Variants in MBD5 observed in about 807,000 individuals in gnomAD.
The protein encoded by MBD5 is methyl-CpG-binding domain protein 5.
In MBD5, 13 loss-of-function variants were observed where a neutral mutation model predicts 117.3. The observed-to-expected ratio is 0.11, with a 90% CI of 0.07 to 0.18. The LOEUF is 0.18. Ranked by LOEUF, MBD5 falls within the 10% of genes least tolerant of loss-of-function variation. The probability of loss-of-function intolerance (pLI) is 1.00; values close to 1 mark genes in which losing one functional copy is unlikely to be tolerated. For missense variants in MBD5, 1,879 were observed against 2,093.8 expected (o/e 0.90, Z 2.00); for synonymous variants, 727 against 766.4 (o/e 0.95, Z 0.85).
At chr2:148,389,518 A>G (rs1043460842) in intron 4 of MBD5, among the ~76,000 whole-genome samples, 1 of 151,722 alleles carries the variant, frequency 6.6e-6, no homozygotes, top group Non-Finnish European at 1.5e-5. Context: ...ATCATTTTCT[A>G]TAGGAATTGA....
chr2:148,105,383 T>A (rs186556962), intron 1 of MBD5, among the ~76,000 whole-genome samples: 1 of 152,198 alleles, frequency 6.6e-6, no homozygotes, highest in Admixed American at 6.5e-5. Flanking sequence ...CACACTGGGC[T>A]AATTTTTATA....
chr2:148,180,898 T>C (rs961406022), intron 2 of MBD5, among the ~76,000 whole-genome samples: 1 of 152,186 alleles, frequency 6.6e-6, no homozygotes, highest in African/African-American at 2.4e-5. Context: ...TATTGTACTG[T>C]TCTATTTTGT....
chr2:148,508,080 A>G (rs1464721931), intron 12 of MBD5, among the ~76,000 whole-genome samples: 2 of 152,202 alleles, frequency 1.3e-5, no homozygotes, highest in Admixed American at 1.3e-4. Context: ...TGGCAATGAT[A>G]ATACTGTCAG....
At chr2:148,183,988 T>C (rs1698590965) in intron 2 of MBD5, among the ~76,000 whole-genome samples, 1 of 151,902 alleles carries the variant, frequency 6.6e-6, no homozygotes, top group South Asian at 2.1e-4. Context: ...TTTGGCCTGT[T>C]CAACTCCATC....
In MBD5 at chr2:148,411,315, C is replaced by T. The variant is rs565669088; in HGVS notation, c.-556-46888C>T. ...TAATTCTGCAATGGGCATATGCGTC[C>T]GTGTGTCTTTATGATAGAATGATTT... On this transcript the variant is annotated intron_variant, in intron 4 of 13. Coordinates refer to ENST00000642680, the MANE Select transcript of MBD5 (RefSeq NM_001378120.1). Among the ~76,000 whole-genome samples, 6 of 152,052 alleles carry T rather than the reference C, an allele frequency of 3.9e-5. No homozygotes were observed. In the East Asian group the frequency reaches 1.2e-3, roughly 29 times the overall value.
chr2:148,474,484 T>G (rs189602104), intron 8 of MBD5, among the ~76,000 whole-genome samples: 3 of 152,162 alleles, frequency 2.0e-5, no homozygotes, highest in Non-Finnish European at 4.4e-5. Context: ...CAACACAACA[T>G]AACTTTTTTC....
intron 4 of MBD5, among the ~76,000 whole-genome samples, chr2:148,440,845 T>C (rs1308920517): frequency 6.6e-6 from 1 of 152,188 alleles, no homozygotes; most frequent in East Asian, 1.9e-4. Flanking sequence ...GGAGAAGTTT[T>C]TTTTCTATGC....
chr2:148,247,256 T>C lies in MBD5; in HGVS notation c.-680+13861T>C, dbSNP rs879508371. On this transcript the variant is annotated intron_variant, in intron 3 of 13. Coordinates refer to ENST00000642680, the MANE Select transcript of MBD5 (RefSeq NM_001378120.1). The stretch of plus-strand genomic sequence containing the variant: ...TTGCAGCAGATTTTCTTGCAGACTG[T>C]ATGACTTATCTGTGTCAGAAATTAA... Among the ~76,000 whole-genome samples the C allele has an allele frequency of 6.5e-4, 99 of 152,344 alleles. 2 individuals carry two copies. Among genetic ancestry groups the C allele is most frequent in the Admixed American group, 6.0e-3 (92 of 15,308 alleles).
chr2:148,483,029 G>A, intron 8 of MBD5, 81 bp from the exon 9 acceptor site: 3 of 1,475,840 alleles, frequency 2.0e-6, no homozygotes, highest in Non-Finnish European at 2.8e-6. Context: ...TTAAATTTAT[G>A]TTAATGCATT....
chr2:148,301,994 A>G (rs1701785222), intron 3 of MBD5, among the ~76,000 whole-genome samples: 1 of 152,086 alleles, frequency 6.6e-6, no homozygotes, highest in African/African-American at 2.4e-5. Context: ...CCTGACTCTC[A>G]CCTGATGGTT....
chr2:148,271,050 A>G (rs1032902762), intron 3 of MBD5, among the ~76,000 whole-genome samples: 3 of 152,230 alleles, frequency 2.0e-5, no homozygotes, highest in African/African-American at 4.8e-5. Context: ...TCTCACTCTC[A>G]TAACAAAGAC....
intron 1 of MBD5, among the ~76,000 whole-genome samples, chr2:148,085,538 A>C (rs1432141906): frequency 6.6e-6 from 1 of 151,610 alleles, no homozygotes; most frequent in African/African-American, 2.4e-5. Context: ...TCCCGGCTAA[A>C]ACGGTGAAAC....
At chr2:148,211,240 T>G (rs1172533222) in intron 2 of MBD5, among the ~76,000 whole-genome samples, 2 of 152,194 alleles carry the variant, frequency 1.3e-5, no homozygotes, top group Non-Finnish European at 2.9e-5. Flanking sequence ...TGTTCAAAGT[T>G]AGTTTCCAGT....
intron 11 of MBD5, among the ~76,000 whole-genome samples, chr2:148,500,490 A>G (rs1242676519): frequency 1.3e-5 from 2 of 152,186 alleles, no homozygotes. Flanking sequence ...ATGATAAAAC[A>G]GTGCCTTTTA....
chr2:148,248,779 AAGAT>A (rs1324030616), intron 3 of MBD5, among the ~76,000 whole-genome samples: 2 of 152,128 alleles, frequency 1.3e-5, no homozygotes, highest in African/African-American at 2.4e-5. Context: ...ATACTGGTAA[AAGAT>A]AGACAGACTG....
intron 3 of MBD5, among the ~76,000 whole-genome samples, chr2:148,341,956 T>A (rs952740828): frequency 2.0e-5 from 3 of 151,994 alleles, no homozygotes; most frequent in Non-Finnish European, 4.4e-5. Context: ...TTATCAATAA[T>A]TTTTAATTTA....
At chr2:148,394,261 TTAAAA>T (rs1422998940) in intron 4 of MBD5, among the ~76,000 whole-genome samples, 1 of 152,172 alleles carries the variant, frequency 6.6e-6, no homozygotes, top group Non-Finnish European at 1.5e-5. Context: ...CTGGAACAAC[TTAAAA>T]TAAGAATTCA....
intron 4 of MBD5, among the ~76,000 whole-genome samples, chr2:148,444,640 A>G (rs558889111): frequency 1.3e-5 from 2 of 151,326 alleles, no homozygotes; most frequent in South Asian, 4.1e-4. Context: ...CAGGTCTCCC[A>G]CTAACCTTTT....
chr2:148,317,918 C>T (rs778347909), intron 3 of MBD5, among the ~76,000 whole-genome samples: 4 of 152,076 alleles, frequency 2.6e-5, no homozygotes, highest in Non-Finnish European at 2.9e-5. Context: ...GCAATGAACA[C>T]GAGTGCAGGT....
Sources: gnomAD v4.1 joint callset for allele counts (sites outside exome capture counted in the v4.1 genomes callset) on GRCh38, gnomAD v4.1.1 for gene constraint, MANE v1.5 for transcripts, NCBI Gene and HGNC (gene_info 2026-07-23, HGNC 2026-07-21) for gene names.